The following PCDHA13 variants were observed in gnomAD, a reference collection of about 807,000 sequenced individuals.
PCDHA13 encodes protocadherin alpha 13.
A neutral mutation model predicts 64.8 loss-of-function variants in PCDHA13; 54 were observed. That is an observed-to-expected ratio of 0.83 (90% confidence interval 0.67 to 1.04). The LOEUF (loss-of-function observed/expected upper bound fraction) is 1.04, where lower values mean the gene tolerates loss of function less well. Among genes scored for constraint, PCDHA13 ranks in the 50% least tolerant of loss-of-function variants. The pLI, the probability that PCDHA13 is intolerant of heterozygous loss-of-function variation, is 0.00. For synonymous variants in PCDHA13, 587 were observed against 564.4 expected (o/e 1.04, Z -0.57); for missense variants, 1,248 against 1,254.3 (o/e 0.99, Z 0.08).
intron 1 of PCDHA13, among the ~76,000 whole-genome samples, chr5:140,973,059 A>G (rs2096570291): frequency 6.6e-6 from 1 of 152,062 alleles, no homozygotes; most frequent in African/African-American, 2.4e-5. Context: ...TTTGTCCAAC[A>G]GTGTCTCAGT....
intron 1 of PCDHA13, among the ~76,000 whole-genome samples, chr5:140,913,152 T>G (rs2076232515): frequency 6.6e-6 from 1 of 152,178 alleles, no homozygotes; most frequent in Admixed American, 6.5e-5. Context: ...ATAGTTTGAG[T>G]AGGATTGGTA....
rs2059908896 is a variant in PCDHA13 at position 140,883,954 on chromosome 5, T to A, written c.1686T>A (p.Ala562=). 6.2e-7 allele frequency: 1 copy of A among 1,612,680 alleles called. No homozygotes were observed. Among genetic ancestry groups the A allele is most frequent in the Non-Finnish European group, 8.5e-7 (1 of 1,179,670 alleles). The part of the protein sequence containing the change: ...QVFVLDENDN[A]PALLTPGAGS... Reference sequence around the variant, plus strand: ...TCGTGCTGGACGAGAACGACAACGCTCCGGCGCTGCTGACGCCCGGGGCTG... The same window carrying A: ...TCGTGCTGGACGAGAACGACAACGCACCGGCGCTGCTGACGCCCGGGGCTG... The change falls in exon 1 of 4, where the codon GCT becomes GCA. Residue 562 remains alanine, a synonymous_variant. Coordinates refer to ENST00000289272, the MANE Select transcript of PCDHA13 (RefSeq NM_018904.3).
At chr5:140,886,138 T>C (rs1166911705) in intron 1 of PCDHA13, among the ~76,000 whole-genome samples, 2 of 152,208 alleles carry the variant, frequency 1.3e-5, no homozygotes, top group African/African-American at 4.8e-5. Flanking sequence ...AACCAGATTC[T>C]TGATATCACC....
intron 1 of PCDHA13, among the ~76,000 whole-genome samples, chr5:140,972,665 T>A (rs1554234345): frequency 6.7e-6 from 1 of 148,584 alleles, no homozygotes; most frequent in Non-Finnish European, 1.5e-5. Flanking sequence ...ACCAAATTTT[T>A]TTTTTTTTTT....
rs574140858 is a variant in PCDHA13 at position 140,929,782 on chromosome 5, A to C, written c.2394+45120A>C. On this transcript the variant is annotated intron_variant, in intron 1 of 3. Coordinates refer to ENST00000289272, the MANE Select transcript of PCDHA13 (RefSeq NM_018904.3). The stretch of plus-strand genomic sequence containing the variant: ...GACGATAACCACAAAAGATGTAAAA[A>C]TAAATTACAATGGGGGTTAAAAGAA... The C allele has an allele frequency of 1.8e-5, 3 of 168,346 alleles. No individual in the cohort carries two copies. The Admixed American group carries it at 1.9e-4, about 11-fold the overall frequency. 10.4% of individuals were successfully genotyped at this position (168,346 alleles called of 1,614,324 possible). A position where few individuals can be genotyped will look rare whatever the true frequency, so the allele number is the denominator to read the frequency against.
intron 1 of PCDHA13, chr5:140,967,312 A>G (rs1554229425): frequency 5.0e-6 from 8 of 1,611,226 alleles, no homozygotes; most frequent in Admixed American, 1.7e-5. Context: ...CCAACTCAGT[A>G]CAGACCTACG....
At chr5:140,999,051 C>T (rs972072595) in intron 3 of PCDHA13, among the ~76,000 whole-genome samples, 6 of 152,196 alleles carry the variant, frequency 3.9e-5, no homozygotes, top group African/African-American at 9.7e-5. Flanking sequence ...TGCTTTCCAC[C>T]ATGCCTAAGT....
rs1342030965 is a variant in PCDHA13 at position 140,955,208 on chromosome 5, C to G, written c.2395-23741C>G. ...GGTGTATATGAAGTCAATCAAGTAG[C>G]ATGATGCCTCCAGCTTTGTTCTTTT... On this transcript the variant is annotated intron_variant, in intron 1 of 3. Transcript: ENST00000289272. 2.6e-5 allele frequency among the ~76,000 whole-genome samples: 4 copies of G among 152,140 alleles called. No individual in the cohort carries two copies. In the East Asian group the frequency reaches 7.7e-4, roughly 29 times the overall value.
At chr5:140,890,890 T>C (rs2062844225) in intron 1 of PCDHA13, among the ~76,000 whole-genome samples, 1 of 152,192 alleles carries the variant, frequency 6.6e-6, no homozygotes, top group South Asian at 2.1e-4. Context: ...TCAGGGATTA[T>C]TGTCTTTCCA....
intron 1 of PCDHA13, among the ~76,000 whole-genome samples, chr5:140,937,626 A>G (rs2091639486): frequency 6.6e-6 from 1 of 150,782 alleles, no homozygotes; most frequent in Non-Finnish European, 1.5e-5. Context: ...AAAAAGAAAA[A>G]GAAAGGCAGG....
intron 1 of PCDHA13, chr5:140,927,498 G>A (rs782816586): frequency 3.1e-6 from 5 of 1,614,138 alleles, no homozygotes; most frequent in Middle Eastern, 1.6e-4. Context: ...ACCTGCTGGT[G>A]CTTACAGCTC....
chr5:140,935,526 T>C (rs558710371), intron 1 of PCDHA13, among the ~76,000 whole-genome samples: 3 of 152,232 alleles, frequency 2.0e-5, no homozygotes, highest in Non-Finnish European at 4.4e-5. Flanking sequence ...GCATGTACAG[T>C]CAAATTATTG....
intron 1 of PCDHA13, among the ~76,000 whole-genome samples, chr5:140,959,126 G>A (rs1417334893): frequency 6.6e-6 from 1 of 152,066 alleles, no homozygotes; most frequent in Non-Finnish European, 1.5e-5. Context: ...GGCGAGGTGA[G>A]CCCACTTTGG....
At chr5:140,905,202 T>C (rs1554191944) in intron 1 of PCDHA13, among the ~76,000 whole-genome samples, 1 of 152,196 alleles carries the variant, frequency 6.6e-6, no homozygotes, top group Non-Finnish European at 1.5e-5. Flanking sequence ...CCATCTTGAG[T>C]TGATTTTTGT....
intron 1 of PCDHA13, among the ~76,000 whole-genome samples, chr5:140,915,626 G>GTTTCTC (rs149393620): frequency 6.8e-6 from 1 of 146,436 alleles, no homozygotes; most frequent in African/African-American, 2.5e-5. Context: ...GTCTCTTTCT[G>GTTTCTC]TCTCTCTCTC....
intron 1 of PCDHA13, among the ~76,000 whole-genome samples, chr5:140,892,939 C>G (rs1583111138): frequency 6.6e-6 from 1 of 152,188 alleles, no homozygotes; most frequent in Non-Finnish European, 1.5e-5. Context: ...CTGATAAGCA[C>G]AATACTACTT....
chr5:140,915,410 A>G (rs2077112688), intron 1 of PCDHA13, among the ~76,000 whole-genome samples: 1 of 152,172 alleles, frequency 6.6e-6, no homozygotes, highest in Non-Finnish European at 1.5e-5. Flanking sequence ...TAGTCTTTGC[A>G]GTCTGGGCTT....
At chr5:140,921,704 A>T (rs1465184855) in intron 1 of PCDHA13, among the ~76,000 whole-genome samples, 8 of 152,234 alleles carry the variant, frequency 5.3e-5, no homozygotes, top group African/African-American at 1.9e-4. Flanking sequence ...AATTTTAAAC[A>T]GTAAACACAC....
Position 141,010,263 on chromosome 5 carries a change from C to T in PCDHA13, c.*326C>T, listed in dbSNP as rs782479376. On this transcript the variant is annotated 3_prime_UTR_variant, in exon 4 of 4. Transcript: ENST00000289272. Reference sequence around the variant, plus strand: ...AGGTTGGACTCTCTGCCCTGTGCTCCGGGGATCCTGTCTTGATGACACTTG... The same window carrying T: ...AGGTTGGACTCTCTGCCCTGTGCTCTGGGGATCCTGTCTTGATGACACTTG... The T allele has an allele frequency of 8.4e-6, 13 of 1,551,608 alleles. No homozygotes were observed. Among genetic ancestry groups the T allele is most frequent in the African/African-American group, 5.5e-5 (4 of 73,018 alleles).
Sources: gnomAD v4.1 joint callset for allele counts (sites outside exome capture counted in the v4.1 genomes callset) on GRCh38, gnomAD v4.1.1 for gene constraint, MANE v1.5 for transcripts, NCBI Gene and HGNC (gene_info 2026-07-23, HGNC 2026-07-21) for gene names.